COX11: variants seen among roughly 807,000 people sequenced by gnomAD.
The protein encoded by COX11 is cytochrome c oxidase assembly protein COX11, mitochondrial.
COX11 carries 18 observed loss-of-function variants against 29.4 expected under a neutral mutation model. The ratio of observed to expected loss-of-function variants is 0.61; its 90% CI spans 0.42 to 0.91. COX11 has a LOEUF of 0.91. COX11 is among the 40% of genes least tolerant of loss of function. The pLI, the probability that COX11 is intolerant of heterozygous loss-of-function variation, is 0.00. For missense variants in COX11, 312 were observed against 346.0 expected, an observed-to-expected ratio of 0.90 and a Z score of 0.78; for synonymous variants, 131 against 124.0, an observed-to-expected ratio of 1.06 and a Z score of -0.38.
At chr17:54,956,090 T>TA (rs1391369783), downstream of COX11, among the ~76,000 whole-genome samples, 1 of 152,158 alleles carries the variant, frequency 6.6e-6, no homozygotes, top group African/African-American at 2.4e-5. Flanking sequence ...TTGTTACCCC[T>TA]AAAAAAACCT....
At chr17:54,952,405 G>A (rs1247153590) in exon 1 of COX11, 1 of 152,026 alleles carries the variant, frequency 6.6e-6, no homozygotes, top group Non-Finnish European at 1.5e-5. Flanking sequence ...AAATTAGGCA[G>A]GTGTGGTGGT....
In COX11 at chr17:54,966,171, C is replaced by G. The variant is rs182126803; in HGVS notation, c.367-1319G>C. ...TTCTTTTACTAAAAAATTTAAGTCA[C>G]TTAAATAAAAATACTTTTAAGTGTC... On this transcript the variant is annotated intron_variant, in intron 1 of 3. Coordinates refer to ENST00000299335, the MANE Select transcript of COX11 (RefSeq NM_004375.5). Among the ~76,000 whole-genome samples, 5 of 152,270 alleles carry G rather than the reference C, an allele frequency of 3.3e-5. No individual in the cohort carries two copies. In the East Asian group the frequency reaches 9.7e-4, roughly 29 times the overall value.
At chr17:54,955,870 TCTA>T (rs1472837380), downstream of COX11, among the ~76,000 whole-genome samples, 3 of 152,200 alleles carry the variant, frequency 2.0e-5, no homozygotes, top group African/African-American at 4.8e-5. Context: ...GGCAGCCGCT[TCTA>T]CTCTCCCAGA....
chr17:54,963,993 A>G (rs2077177067), intron 2 of COX11, among the ~76,000 whole-genome samples: 1 of 152,166 alleles, frequency 6.6e-6, no homozygotes, highest in Non-Finnish European at 1.5e-5. Flanking sequence ...ACTACCACGT[A>G]ATTGGAGAAG....
At position 54,960,848 on chromosome 17, in the gene COX11, C is replaced by T. The variant is rs1382844120; in HGVS notation, c.*1885G>A. 2.0e-5 allele frequency among the ~76,000 whole-genome samples: 3 copies of T among 152,124 alleles called. No homozygotes were observed. The highest frequency in any genetic ancestry group is 4.4e-5 in the Non-Finnish European group (3 of 68,018). On this transcript the variant is annotated 3_prime_UTR_variant, in exon 4 of 4. Coordinates refer to ENST00000299335, the MANE Select transcript of COX11 (RefSeq NM_004375.5). ...CTGTAAATAGTAAGGCTTGGGAATA[C>T]AGTAGTTTATGGTATAGAAATATTA...
intron 3 of COX11, 21 bp downstream of exon 3, chr17:54,963,285 A>G (rs1339915989): frequency 1.2e-6 from 2 of 1,602,390 alleles, no homozygotes; most frequent in East Asian, 2.2e-5. Context: ...CATATTCTGT[A>G]AAGTTTACAC....
In COX11 at chr17:54,961,384, A is replaced by G. The variant is rs17817901; in HGVS notation, c.*1349T>C. Reference sequence around the variant, plus strand: ...TCTGCTATAATGAAGATTAAATAGAATAACAGTTCCAGGATAACACTGATT... The same window carrying G: ...TCTGCTATAATGAAGATTAAATAGAGTAACAGTTCCAGGATAACACTGATT... On this transcript the variant is annotated 3_prime_UTR_variant, in exon 4 of 4. Transcript: ENST00000299335. 398,090 of 1,548,382 alleles carry G rather than the reference A, an allele frequency of 0.26. 54,206 individuals are homozygous for G. Among genetic ancestry groups the G allele is most frequent in the Non-Finnish European group, 0.28 (322,241 of 1,145,574 alleles).
At position 54,968,304 on chromosome 17, in the gene COX11, G is replaced by C. The variant is rs1457965971; in HGVS notation, c.343C>G (p.Pro115Ala). The C allele has an allele frequency of 6.2e-7, 1 of 1,612,738 alleles. No individual in the cohort carries two copies. The highest frequency in any genetic ancestry group is 8.5e-7 in the Non-Finnish European group (1 of 1,179,872). ...GMLGASYAAV[P>A]LYRLYCQTTG... ...ACCTGGCAATAGAGCCGATAAAGGG[G>C]TACGGCAGCGTAGGACGCCCCCAGC... Residue 115 changes from proline to alanine, a missense_variant, in exon 1 of 4, where the codon CCC (proline) becomes GCC (alanine). Physicochemically the swap from Pro to Ala is conservative, Grantham distance 27 (BLOSUM62 -1). Transcript: ENST00000299335.
rs753900849 is a variant in COX11 at position 54,968,416 on chromosome 17, C to A, written c.231G>T (p.Ser77=). 6.2e-7 allele frequency: 1 copy of A among 1,613,460 alleles called. No individual in the cohort carries two copies. Among genetic ancestry groups the A allele is most frequent in the South Asian group, 1.1e-5 (1 of 91,078 alleles). Residue 77 remains serine (S), a synonymous_variant, in exon 1 of 4, where the codon TCG becomes TCT. Coordinates refer to ENST00000299335, the MANE Select transcript of COX11 (RefSeq NM_004375.5). Reference sequence around the variant, plus strand: ...CCTCCTGCGCGCGTGTGAAAGGGTTCGAGCTCTTAGGCCGCCGCGGCGGCT... The same window carrying A: ...CCTCCTGCGCGCGTGTGAAAGGGTTAGAGCTCTTAGGCCGCCGCGGCGGCT... The part of the protein sequence containing the change: ...ALQPPRRPKS[S]NPFTRAQEEE...
intron 2 of COX11, among the ~76,000 whole-genome samples, chr17:54,964,222 A>G (rs1037838725): frequency 1.3e-5 from 2 of 152,202 alleles, no homozygotes; most frequent in Admixed American, 6.5e-5. Flanking sequence ...GGAGTATAAC[A>G]TAACTATTTA....
At chr17:54,968,725 CTG>C, upstream of COX11, 1 of 1,490,480 alleles carries the variant, frequency 6.7e-7, no homozygotes, top group East Asian at 2.3e-5. Context: ...CTCGCGAGAT[CTG>C]GGTTGAGCCT....
Position 54,961,654 on chromosome 17 carries a change from A to G in COX11, c.*1079T>C. The G allele has an allele frequency of 1.9e-6, 2 of 1,078,034 alleles. No homozygotes were observed. Among genetic ancestry groups the G allele is most frequent in the South Asian group, 6.5e-5 (2 of 30,544 alleles). The allele number at this position is 1,078,034 out of a possible 1,614,324, so 66.8% of individuals were successfully genotyped here. A position where few individuals can be genotyped will look rare whatever the true frequency, so the allele number is the denominator to read the frequency against. Reference sequence around the variant, plus strand: ...AAACTGAATGTATTATTCAGGAAGAATACTGAGTGCCTTCATTTAACTAAA... The same window carrying G: ...AAACTGAATGTATTATTCAGGAAGAGTACTGAGTGCCTTCATTTAACTAAA... On this transcript the variant is annotated 3_prime_UTR_variant, in exon 4 of 4. Coordinates refer to ENST00000299335, the MANE Select transcript of COX11 (RefSeq NM_004375.5).
downstream of COX11, chr17:54,959,616 ATTT>A (rs71361745): frequency 4.3e-5 from 6 of 138,664 alleles, no homozygotes; most frequent in African/African-American, 5.4e-5. Flanking sequence ...TGGAAGATTA[ATTT>A]TTTTTTTTTT....
At chr17:54,968,657 A>G (rs560870558), upstream of COX11, 1 of 1,596,214 alleles carries the variant, frequency 6.3e-7, no homozygotes, top group Non-Finnish European at 8.5e-7. Flanking sequence ...AACCCTCTGA[A>G]CTAACACCCA....
intron 1 of COX11, among the ~76,000 whole-genome samples, chr17:54,965,656 G>A (rs760041416): frequency 1.4e-4 from 21 of 152,028 alleles, no homozygotes; most frequent in Non-Finnish European, 2.4e-4. Context: ...GTGAACCCCC[G>A]TCTCTATTAA....
chr17:54,957,304 C>CT (rs975090693), downstream of COX11: 1 of 152,196 alleles, frequency 6.6e-6, no homozygotes, highest in Admixed American at 6.5e-5. Context: ...TTTTTCCTAA[C>CT]TCAGGTTTGA....
downstream of COX11, among the ~76,000 whole-genome samples, chr17:54,956,509 C>T (rs1245804221): frequency 7.2e-5 from 11 of 152,000 alleles, no homozygotes; most frequent in East Asian, 1.9e-4. Context: ...GGTTTTGCCA[C>T]GTTGCCCAGG....
chr17:54,963,787 ATGAT>A (rs2077172518), intron 2 of COX11, among the ~76,000 whole-genome samples: 1 of 152,080 alleles, frequency 6.6e-6, no homozygotes, highest in South Asian at 2.1e-4. Context: ...CCTGAATGTC[ATGAT>A]TGACTATTTT....
intron 1 of COX11, among the ~76,000 whole-genome samples, chr17:54,965,721 C>T (rs1022802206): frequency 5.9e-5 from 9 of 151,946 alleles, no homozygotes; most frequent in East Asian, 1.9e-4. Context: ...CCCAGGTCTA[C>T]TCGGGAGGCT....
Sources: allele counts gnomAD v4.1 joint callset (sites outside exome capture counted in the v4.1 genomes callset), GRCh38; gene constraint gnomAD v4.1.1; transcripts MANE v1.5; gene names NCBI Gene and HGNC (gene_info 2026-07-23, HGNC 2026-07-21).